TSHZ3: variants seen among roughly 807,000 people sequenced by gnomAD.
TSHZ3 encodes the protein teashirt zinc finger homeobox 3.
A neutral mutation model predicts 64.5 loss-of-function variants in TSHZ3; 10 were observed. The observed-to-expected ratio is 0.16, with a 90% CI of 0.10 to 0.26. TSHZ3 has a LOEUF of 0.26. TSHZ3 is among the 10% of genes least tolerant of loss of function. The pLI, the probability that TSHZ3 is intolerant of heterozygous loss-of-function variation, is 1.00. For synonymous variants in TSHZ3, 608 were observed against 593.1 expected (o/e 1.03, Z -0.36); for missense variants, 1,242 against 1,421.7 (o/e 0.87, Z 2.03).
intron 1 of TSHZ3, among the ~76,000 whole-genome samples, chr19:31,295,353 G>T (rs965658693): frequency 6.6e-6 from 1 of 152,156 alleles, no homozygotes; most frequent in Non-Finnish European, 1.5e-5. Context: ...AGACCTGTAC[G>T]CTGATATCCT....
At chr19:31,262,327 C>T (rs1975990834) in intron 1 of TSHZ3, among the ~76,000 whole-genome samples, 1 of 152,194 alleles carries the variant, frequency 6.6e-6, no homozygotes, top group Non-Finnish European at 1.5e-5. Context: ...TGTCAGTCAG[C>T]TGCAAAGAAT....
At chr19:31,186,749 T>G (rs1397177655) in intron 5 of TSHZ3, among the ~76,000 whole-genome samples, 1 of 152,232 alleles carries the variant, frequency 6.6e-6, no homozygotes, top group African/African-American at 2.4e-5. Context: ...TTTTAAATTT[T>G]AAGTATTTCA....
chr19:31,151,754 C>G lies in TSHZ3; in HGVS notation n.872-10G>C, dbSNP rs142596887. ...CATAGGGCTTCTCTTCCTAGCACAA[C>G]AACAGAGAGGGAAGAACAAAAATAC... On this transcript the variant is annotated splice_polypyrimidine_tract_variant and intron_variant and non_coding_transcript_variant, in intron 6 of 6. Coordinates refer to the TSHZ3 transcript ENST00000651361. 3.3e-3 allele frequency among the ~76,000 whole-genome samples: 497 copies of G among 152,240 alleles called. 2 individuals carry two copies. Among genetic ancestry groups the G allele is most frequent in the Non-Finnish European group, 5.4e-3 (366 of 68,016 alleles).
At chr19:31,258,941 G>A (rs777233206) in intron 1 of TSHZ3, among the ~76,000 whole-genome samples, 2 of 152,186 alleles carry the variant, frequency 1.3e-5, no homozygotes, top group Admixed American at 6.5e-5. Context: ...CGGCAGGTCT[G>A]GGATCCATGC....
chr19:31,191,210 G>C (rs1484803539), intron 5 of TSHZ3, among the ~76,000 whole-genome samples: 2 of 151,916 alleles, frequency 1.3e-5, no homozygotes, highest in African/African-American at 4.8e-5. Flanking sequence ...TCATAAACAG[G>C]AGAAACATAA....
chr19:31,349,514 A>G, upstream of TSHZ3: 1 of 322,612 alleles, frequency 3.1e-6, no homozygotes, highest in Non-Finnish European at 5.5e-6. Context: ...GTGGAGGAGG[A>G]GGAGGAGGAC....
At chr19:31,272,781 C>G (rs1250248705), downstream of TSHZ3, among the ~76,000 whole-genome samples, 1 of 152,128 alleles carries the variant, frequency 6.6e-6, no homozygotes, top group Non-Finnish European at 1.5e-5. Context: ...TAAGATACTG[C>G]GTACATGTGA....
intron 4 of TSHZ3, among the ~76,000 whole-genome samples, chr19:31,213,284 G>A (rs545031191): frequency 7.0e-6 from 1 of 142,788 alleles, no homozygotes; most frequent in East Asian, 2.1e-4. Context: ...TTGAACCTAG[G>A]AGGCAGAGGT....
intron 1 of TSHZ3, among the ~76,000 whole-genome samples, chr19:31,322,706 C>A (rs1916807533): frequency 6.6e-6 from 1 of 152,240 alleles, no homozygotes; most frequent in Non-Finnish European, 1.5e-5. Context: ...AGGCATGGGC[C>A]ACCATCCCCA....
chr19:31,215,320 T>A (rs927357402), intron 4 of TSHZ3, among the ~76,000 whole-genome samples: 2 of 152,170 alleles, frequency 1.3e-5, no homozygotes, highest in African/African-American at 4.8e-5. Context: ...AACATTAAAT[T>A]AGAAGCATCT....
chr19:31,194,275 T>C (rs988026569), intron 5 of TSHZ3, among the ~76,000 whole-genome samples: 2 of 152,162 alleles, frequency 1.3e-5, no homozygotes, highest in Admixed American at 6.5e-5. Flanking sequence ...CCACACTGAA[T>C]ACTGGAGAAA....
intron 3 of TSHZ3, among the ~76,000 whole-genome samples, chr19:31,235,496 G>T (rs1975595498): frequency 6.6e-6 from 1 of 151,824 alleles, no homozygotes; most frequent in African/African-American, 2.4e-5. Flanking sequence ...TGTGCTCCAG[G>T]TTCATCCATG....
chr19:31,295,103 C>T (rs1382440988), intron 1 of TSHZ3, among the ~76,000 whole-genome samples: 4 of 152,140 alleles, frequency 2.6e-5, no homozygotes, highest in African/African-American at 9.7e-5. Flanking sequence ...AGTGAATAAA[C>T]AAACTAAAGT....
chr19:31,194,088 T>G (rs879573829), intron 5 of TSHZ3, among the ~76,000 whole-genome samples: 1 of 151,904 alleles, frequency 6.6e-6, no homozygotes, highest in Admixed American at 6.6e-5. Context: ...TAGATAGAAA[T>G]TCATGAGCAG....
chr19:31,309,392 A>G lies in TSHZ3; in HGVS notation c.41-29640T>C, dbSNP rs1363531560. Among the ~76,000 whole-genome samples the G allele has an allele frequency of 3.9e-5, 6 of 152,000 alleles. 1 individual carries two copies. Among genetic ancestry groups the G allele is most frequent in the Admixed American group, 3.9e-4 (6 of 15,258 alleles). ...ATGGGTGGAGCCATATCTTCTGCAA[A>G]AAAAAAAGGACAAAATACTCTACAG... On this transcript the variant is annotated intron_variant, in intron 1 of 1. Coordinates refer to ENST00000240587, the MANE Select transcript of TSHZ3 (RefSeq NM_020856.4).
intron 1 of TSHZ3, among the ~76,000 whole-genome samples, chr19:31,295,771 T>G (rs1042897291): frequency 6.6e-6 from 1 of 151,748 alleles, no homozygotes; most frequent in Non-Finnish European, 1.5e-5. Context: ...ATAAAAAGGT[T>G]CTTTAATAAT....
intron 1 of TSHZ3, among the ~76,000 whole-genome samples, chr19:31,292,937 C>T: frequency 6.6e-6 from 1 of 151,618 alleles, no homozygotes; most frequent in African/African-American, 2.4e-5. Context: ...ACCCATCCAT[C>T]CAACCAAAAA....
intron 4 of TSHZ3, among the ~76,000 whole-genome samples, chr19:31,215,795 C>T (rs1388411012): frequency 6.6e-6 from 1 of 151,886 alleles, no homozygotes; most frequent in Non-Finnish European, 1.5e-5. Flanking sequence ...CACTTGAACC[C>T]GGGAGGCGGA....
At chr19:31,198,995 G>T (rs907024410) in intron 5 of TSHZ3, among the ~76,000 whole-genome samples, 3 of 152,096 alleles carry the variant, frequency 2.0e-5, no homozygotes, top group South Asian at 4.1e-4. Flanking sequence ...GAAGAACAAA[G>T]TTGTGTCACT....
Sources: gnomAD v4.1 joint callset for allele counts (sites outside exome capture counted in the v4.1 genomes callset) on GRCh38, gnomAD v4.1.1 for gene constraint, MANE v1.5 for transcripts, NCBI Gene and HGNC (gene_info 2026-07-23, HGNC 2026-07-21) for gene names.